Variants in MSRA observed in about 807,000 individuals in gnomAD.
The protein encoded by MSRA is methionine sulfoxide reductase A, also known as mitochondrial peptide methionine sulfoxide reductase.
MSRA carries 54 observed loss-of-function variants against 31.3 expected under a neutral mutation model. The ratio of observed to expected loss-of-function variants is 1.73; its 90% CI spans 1.39 to 2.17. The LOEUF (loss-of-function observed/expected upper bound fraction) is 2.17. Among genes scored for constraint, MSRA ranks in the 30% most tolerant of loss-of-function variants. MSRA has a pLI of 0.00. For missense variants in MSRA, 507 were observed against 300.9 expected, an observed-to-expected ratio of 1.69 and a Z score of -5.07; for synonymous variants, 169 against 116.5, an observed-to-expected ratio of 1.45 and a Z score of -2.90.
intron 2 of MSRA, among the ~76,000 whole-genome samples, chr8:10,230,820 C>T (rs778889347): frequency 1.3e-5 from 2 of 152,076 alleles, no homozygotes; most frequent in Non-Finnish European, 2.9e-5. Context: ...GTTTTGCTCT[C>T]GTTGCCCAGG....
intron 5 of MSRA, among the ~76,000 whole-genome samples, chr8:10,371,773 T>C (rs776442017): frequency 9.9e-5 from 15 of 152,206 alleles, no homozygotes; most frequent in Non-Finnish European, 1.3e-4. Context: ...CCTTCTCCGC[T>C]GTGCCTAAGA....
chr8:10,115,973 C>T (rs754827581), intron 1 of MSRA, among the ~76,000 whole-genome samples: 48 of 152,222 alleles, frequency 3.2e-4, no homozygotes, highest in Admixed American at 1.3e-4. Context: ...GTCCCCTTCA[C>T]CTCCCACTTG....
intron 3 of MSRA, among the ~76,000 whole-genome samples, chr8:10,285,393 A>T (rs1799879954): frequency 6.6e-6 from 1 of 152,046 alleles, no homozygotes; most frequent in Admixed American, 6.6e-5. Context: ...CTATTTATGG[A>T]GTACAGGGTG....
At chr8:10,170,183 GC>G (rs1330292887) in intron 1 of MSRA, among the ~76,000 whole-genome samples, 1 of 151,552 alleles carries the variant, frequency 6.6e-6, no homozygotes, top group Admixed American at 6.6e-5. Context: ...ACTGTGCCGG[GC>G]CTTCCTTGGT....
chr8:10,163,103 A>C (rs563236448), intron 1 of MSRA, among the ~76,000 whole-genome samples: 11 of 152,282 alleles, frequency 7.2e-5, no homozygotes, highest in Admixed American at 2.6e-4. Context: ...ATGGGAGGAC[A>C]CAATGGGAGG....
intron 4 of MSRA, among the ~76,000 whole-genome samples, chr8:10,314,473 C>T (rs1024417154): frequency 1.3e-5 from 2 of 151,820 alleles, no homozygotes; most frequent in African/African-American, 4.8e-5. Context: ...AGCAGACTGA[C>T]AAAAAGTGAA....
chr8:10,285,654 A>C (rs2952251), intron 3 of MSRA, among the ~76,000 whole-genome samples: 6 of 149,380 alleles, frequency 4.0e-5, no homozygotes, highest in African/African-American at 4.9e-5. Context: ...CCTTCCCCCC[A>C]CTCCTTCCCC....
chr8:10,395,088 T>C (rs760851374), intron 5 of MSRA, among the ~76,000 whole-genome samples: 5 of 152,186 alleles, frequency 3.3e-5, no homozygotes, highest in Admixed American at 6.5e-5. Flanking sequence ...TGTGTAAGCG[T>C]AGCAGGAAAG....
intron 1 of MSRA, among the ~76,000 whole-genome samples, chr8:10,198,317 T>A (rs1005421936): frequency 1.1e-4 from 16 of 151,574 alleles, no homozygotes; most frequent in Middle Eastern, 3.4e-3. Flanking sequence ...CTTTATTATT[T>A]TTTTTTTTGT....
chr8:10,240,897 A>G (rs1246806377), intron 2 of MSRA, among the ~76,000 whole-genome samples: 1 of 148,128 alleles, frequency 6.8e-6, no homozygotes, highest in Non-Finnish European at 1.5e-5. Context: ...CAGGATCGCC[A>G]CACAGCCGTA....
At chr8:10,122,395 C>T (rs1343882445) in intron 1 of MSRA, among the ~76,000 whole-genome samples, 2 of 152,034 alleles carry the variant, frequency 1.3e-5, no homozygotes, top group African/African-American at 4.8e-5. Flanking sequence ...CAAAAGTATT[C>T]AAAAGAAAGG....
chr8:10,395,254 C>T (rs1430517794), intron 5 of MSRA, among the ~76,000 whole-genome samples: 4 of 151,962 alleles, frequency 2.6e-5, no homozygotes, highest in Admixed American at 6.5e-5. Context: ...TGTGTGTGTG[C>T]ATACGTGCAC....
At chr8:10,145,497 C>A (rs578110819) in intron 1 of MSRA, among the ~76,000 whole-genome samples, 17 of 152,278 alleles carry the variant, frequency 1.1e-4, no homozygotes, top group Non-Finnish European at 2.2e-4. Context: ...CTGCATAATT[C>A]ATTTTCTACT....
Position 10,354,528 on chromosome 8 carries a change from T to G in MSRA, c.543+34539T>G, listed in dbSNP as rs546420125. On this transcript the variant is annotated intron_variant, in intron 5 of 5. Transcript: ENST00000317173. ...CTTTGCTAATCATATTTTAAAACAT[T>G]TTGGTATGTATGCTTCTATTCCTTT... 4.6e-4 allele frequency among the ~76,000 whole-genome samples: 70 copies of G among 152,274 alleles called. 1 individual carries two copies. The highest frequency in any genetic ancestry group is 1.7e-3 in the African/African-American group (69 of 41,560).
chr8:10,353,588 G>A lies in MSRA; in HGVS notation c.543+33599G>A, dbSNP rs12547210. The A allele has an allele frequency of 5.0e-5, 23 of 456,124 alleles. 1 individual carries two copies. Among genetic ancestry groups the A allele is most frequent in the African/African-American group, 1.4e-4 (7 of 50,182 alleles). 28.3% of individuals were successfully genotyped at this position (456,124 alleles called of 1,614,324 possible). On this transcript the variant is annotated intron_variant, in intron 5 of 5. Coordinates refer to ENST00000317173, the MANE Select transcript of MSRA (RefSeq NM_012331.5). The stretch of plus-strand genomic sequence containing the variant: ...CAATTTTCTGGGTAGCCTCTGTACC[G>A]TCTTTCTAGCTATGCCTTTTCCTTT...
intron 5 of MSRA, among the ~76,000 whole-genome samples, chr8:10,354,817 A>G (rs762649218): frequency 6.6e-6 from 1 of 150,408 alleles, no homozygotes; most frequent in Non-Finnish European, 1.5e-5. Context: ...TGTTATCACT[A>G]TGTAGTCTCA....
intron 5 of MSRA, among the ~76,000 whole-genome samples, chr8:10,387,688 T>C (rs1445113143): frequency 1.3e-5 from 2 of 152,216 alleles, no homozygotes; most frequent in Non-Finnish European, 2.9e-5. Context: ...GTCTCGGAGC[T>C]GCTCTTGGAA....
chr8:10,056,389 C>G (rs945501735), intron 1 of MSRA, among the ~76,000 whole-genome samples: 2 of 152,076 alleles, frequency 1.3e-5, no homozygotes, highest in Non-Finnish European at 2.9e-5. Flanking sequence ...AATGAGCCAA[C>G]AATTTTTTTC....
At position 10,319,996 on chromosome 8, in the gene MSRA, A is replaced by T; in HGVS notation, c.543+7A>T. On this transcript the variant is annotated splice_region_variant and intron_variant, in intron 5 of 5. Transcript: ENST00000317173. ...CAAAGAGAACTACCAAAAGGTAGGG[A>T]TTGCTGGGCTCCTAGCCCCTGGCTT... is the stretch of plus-strand genomic sequence containing the variant. 1 of 1,588,810 alleles carries T rather than the reference A, an allele frequency of 6.3e-7. No individual in the cohort carries two copies. The highest frequency in any genetic ancestry group is 8.6e-7 in the Non-Finnish European group (1 of 1,165,398).
Sources: gnomAD v4.1 joint callset for allele counts (sites outside exome capture counted in the v4.1 genomes callset) on GRCh38, gnomAD v4.1.1 for gene constraint, MANE v1.5 for transcripts, NCBI Gene and HGNC (gene_info 2026-07-23, HGNC 2026-07-21) for gene names.